Variants in DSCAM observed in about 807,000 individuals in gnomAD.
DSCAM encodes the protein DS cell adhesion molecule.
Under a neutral mutation model 217.7 loss-of-function variants are expected in DSCAM, and 47 were observed. The observed-to-expected ratio is 0.22, with a 90% CI of 0.17 to 0.28. The LOEUF is 0.28. Ranked by LOEUF, DSCAM falls within the 10% of genes least tolerant of loss-of-function variation. DSCAM has a pLI of 1.00. For synonymous variants in DSCAM, 1,056 were observed against 1,015.3 expected (o/e 1.04, Z -0.76); for missense variants, 2,080 against 2,618.3 (o/e 0.79, Z 4.49).
intron 11 of DSCAM, among the ~76,000 whole-genome samples, chr21:40,247,443 T>C (rs547993592): frequency 1.3e-3 from 195 of 152,250 alleles, no homozygotes; most frequent in African/African-American, 4.4e-3. Flanking sequence ...TGGGGAAATA[T>C]AGCCATTCCA....
chr21:40,577,531 T>C (rs530015860), intron 3 of DSCAM, among the ~76,000 whole-genome samples: 1 of 152,228 alleles, frequency 6.6e-6, no homozygotes, highest in South Asian at 2.1e-4. Flanking sequence ...GTTAATATCT[T>C]GCTGGGGCCT....
chr21:40,246,476 G>A (rs2146952084), intron 11 of DSCAM, among the ~76,000 whole-genome samples: 1 of 151,104 alleles, frequency 6.6e-6, no homozygotes. Context: ...GGGAGGTGGA[G>A]GCTGCACTGA....
At chr21:40,168,748 T>C (rs1194347514) in intron 15 of DSCAM, among the ~76,000 whole-genome samples, 1 of 152,132 alleles carries the variant, frequency 6.6e-6, no homozygotes, top group Non-Finnish European at 1.5e-5. Context: ...TCCCTTCCTT[T>C]TTTATAAAGG....
chr21:40,831,710 G>A (rs1395727570), intron 1 of DSCAM, among the ~76,000 whole-genome samples: 1 of 152,074 alleles, frequency 6.6e-6, no homozygotes, highest in Non-Finnish European at 1.5e-5. Context: ...CTGTCATCTG[G>A]TCTCCAATTT....
rs774341674 is a variant in DSCAM, at chr21:40,189,196, G to A, written c.2399C>T (p.Thr800Met). The A allele has an allele frequency of 6.8e-6, 11 of 1,611,984 alleles. No individual in the cohort carries two copies. The highest frequency in any genetic ancestry group is 1.1e-5 in the South Asian group (1 of 90,576). The change falls in exon 12 of 33, where the codon ACG becomes ATG. Residue 800 changes from threonine to methionine, a missense_variant. By Grantham distance (81) the Thr-to-Met change is moderately conservative. Around this residue, in one of 5 missense-constraint regions of DSCAM, gnomAD observed 1,144 missense variants for 1,421.1 expected, o/e 0.81. Transcript: ENST00000400454. The part of the protein sequence containing the change: ...ITSYPNTTLA[T>M]QGQKKEMSCT... ...GCTCATCTCCTTTTTCTGCCCCTGC[G>A]TGGCCAGGGTAGTATTTGGATAGGA...
At chr21:40,138,910 GGTGT>G (rs1223839632) in intron 18 of DSCAM, among the ~76,000 whole-genome samples, 2 of 142,226 alleles carry the variant, frequency 1.4e-5, no homozygotes, top group South Asian at 2.4e-4. Flanking sequence ...TGGTGTGTGT[GGTGT>G]GTATGTGTGG....
At chr21:40,251,284 C>T (rs184495284) in intron 11 of DSCAM, among the ~76,000 whole-genome samples, 58 of 152,064 alleles carry the variant, frequency 3.8e-4, no homozygotes, top group Non-Finnish European at 6.9e-4. Flanking sequence ...AGAATAAAGG[C>T]TAAGTTATTA....
At chr21:40,781,793 A>T (rs1229862607) in intron 1 of DSCAM, among the ~76,000 whole-genome samples, 1 of 152,086 alleles carries the variant, frequency 6.6e-6, no homozygotes, top group African/African-American at 2.4e-5. Flanking sequence ...GCCAAACTGC[A>T]CTAGGTTTCA....
intron 11 of DSCAM, among the ~76,000 whole-genome samples, chr21:40,236,522 A>C (rs182288219): frequency 3.3e-5 from 5 of 152,258 alleles, no homozygotes; most frequent in Non-Finnish European, 7.4e-5. Context: ...CAGGTGCTGT[A>C]GTCAAAGGAA....
At chr21:40,569,128 C>T (rs457380) in intron 3 of DSCAM, among the ~76,000 whole-genome samples, 5,033 of 152,294 alleles carry the variant, frequency 0.033, 132 homozygotes, top group Middle Eastern at 0.075. Flanking sequence ...AGAGCTGGCC[C>T]CAGGGTGCCT....
At chr21:40,834,302 C>T (rs982905698) in intron 1 of DSCAM, among the ~76,000 whole-genome samples, 22 of 151,188 alleles carry the variant, frequency 1.5e-4, no homozygotes, top group East Asian at 1.9e-4. Context: ...AGCTACTCGC[C>T]AGGCTGAGGC....
chr21:40,162,543 T>C (rs1231175021), intron 16 of DSCAM, among the ~76,000 whole-genome samples: 1 of 152,236 alleles, frequency 6.6e-6, no homozygotes, highest in South Asian at 2.1e-4. Flanking sequence ...CATTTTCCTG[T>C]TGTAAGAGCT....
intron 1 of DSCAM, among the ~76,000 whole-genome samples, chr21:40,839,651 T>G (rs2092084412): frequency 6.6e-6 from 1 of 152,262 alleles, no homozygotes; most frequent in Middle Eastern, 3.4e-3. Context: ...TTTTTTGTTT[T>G]TTTCTCCTAC....
At chr21:40,611,498 T>A (rs1462931592) in intron 3 of DSCAM, among the ~76,000 whole-genome samples, 1 of 152,192 alleles carries the variant, frequency 6.6e-6, no homozygotes, top group Non-Finnish European at 1.5e-5. Flanking sequence ...GGGTATGTAT[T>A]TTATGGCACC....
At chr21:40,388,522 G>A (rs1190046824) in intron 3 of DSCAM, among the ~76,000 whole-genome samples, 1 of 152,116 alleles carries the variant, frequency 6.6e-6, no homozygotes, top group Non-Finnish European at 1.5e-5. Context: ...TAACCTGGCA[G>A]GCATCTCTTT....
chr21:40,228,368 C>T (rs1304125552), intron 11 of DSCAM, among the ~76,000 whole-genome samples: 1 of 152,112 alleles, frequency 6.6e-6, no homozygotes, highest in Non-Finnish European at 1.5e-5. Flanking sequence ...GGAATTCTTT[C>T]GTCAGGAAAA....
intron 14 of DSCAM, among the ~76,000 whole-genome samples, chr21:40,185,188 A>C (rs2090880193): frequency 6.6e-6 from 1 of 152,124 alleles, no homozygotes; most frequent in South Asian, 2.1e-4. Flanking sequence ...GCCCAGATTG[A>C]AAGGGAGAAG....
chr21:40,612,328 A>C (rs2089326861), intron 3 of DSCAM, among the ~76,000 whole-genome samples: 1 of 152,136 alleles, frequency 6.6e-6, no homozygotes, highest in Admixed American at 6.6e-5. Context: ...GGGTCCTTAG[A>C]AGCCTTGCAG....
At chr21:40,307,524 G>A (rs2074092380) in intron 9 of DSCAM, among the ~76,000 whole-genome samples, 1 of 152,144 alleles carries the variant, frequency 6.6e-6, no homozygotes, top group Non-Finnish European at 1.5e-5. Flanking sequence ...AGTCAGTGTG[G>A]CGATTCCTCA....
Sources: allele counts gnomAD v4.1 joint callset (sites outside exome capture counted in the v4.1 genomes callset), GRCh38; gene constraint gnomAD v4.1.1; regional missense constraint gnomAD v4.1.1; transcripts MANE v1.5; gene names NCBI Gene and HGNC (gene_info 2026-07-23, HGNC 2026-07-21).